Variants in ATP11A observed in about 807,000 individuals in gnomAD.
ATP11A encodes the protein phospholipid-transporting ATPase IH.
A neutral mutation model predicts 154.4 loss-of-function variants in ATP11A; 81 were observed. The ratio of observed to expected loss-of-function variants is 0.52; its 90% CI spans 0.44 to 0.63. ATP11A has a LOEUF of 0.63. Ranked by LOEUF, ATP11A falls within the 30% of genes least tolerant of loss-of-function variation. The pLI is 0.00. For synonymous variants in ATP11A, 623 were observed against 585.9 expected, an observed-to-expected ratio of 1.06 and a Z score of -0.91; for missense variants, 1,316 against 1,474.3, an observed-to-expected ratio of 0.89 and a Z score of 1.76.
intron 1 of ATP11A, among the ~76,000 whole-genome samples, chr13:112,756,792 C>T (rs1479833539): frequency 7.8e-6 from 1 of 127,986 alleles, no homozygotes; most frequent in Non-Finnish European, 1.7e-5. Flanking sequence ...CAGCTTGTGG[C>T]AGCCGGGGCC....
At chr13:112,809,580 AG>A (rs547110523) in intron 4 of ATP11A, among the ~76,000 whole-genome samples, 69 of 152,222 alleles carry the variant, frequency 4.5e-4, no homozygotes, top group African/African-American at 1.6e-3. Context: ...CCCGTGGCAC[AG>A]GCTTCCTGCT....
At chr13:112,835,130 C>G (rs775708771) in intron 15 of ATP11A, among the ~76,000 whole-genome samples, 54 of 151,904 alleles carry the variant, frequency 3.6e-4, no homozygotes, top group Non-Finnish European at 6.5e-4. Context: ...TTACGCTTTT[C>G]AGTCACCAGT....
At chr13:112,870,686 A>C (rs1172130723) in intron 25 of ATP11A, among the ~76,000 whole-genome samples, 1 of 152,134 alleles carries the variant, frequency 6.6e-6, no homozygotes, top group African/African-American at 2.4e-5. Flanking sequence ...CCGCTTTTTA[A>C]TTCTTTATAA....
chr13:112,796,966 C>T (rs1373934373), intron 2 of ATP11A, among the ~76,000 whole-genome samples: 1 of 152,016 alleles, frequency 6.6e-6, no homozygotes, highest in Non-Finnish European at 1.5e-5. Context: ...TGGACAACTA[C>T]AATAGGTGAA....
rs559016622 is a variant in ATP11A at position 112,770,624 on chromosome 13, C to T, written c.40-14511C>T. ...GAGAGAACCGTGCATCTCAGCACGG[C>T]GGTGGAAACGTGGTCCACCTGCGGA... On this transcript the variant is annotated intron_variant, in intron 1 of 29. Coordinates refer to ENST00000375645, the MANE Select transcript of ATP11A (RefSeq NM_015205.3). 2.6e-4 allele frequency among the ~76,000 whole-genome samples: 40 copies of T among 152,260 alleles called. 1 individual carries two copies. Among genetic ancestry groups the T allele is most frequent in the African/African-American group, 9.4e-4 (39 of 41,556 alleles).
chr13:112,856,142 C>T, intron 20 of ATP11A, 57 bp downstream of exon 20: 2 of 1,539,222 alleles, frequency 1.3e-6, no homozygotes, highest in Non-Finnish European at 1.8e-6. Flanking sequence ...CACTGAAAAC[C>T]TTCCGTTAGG....
chr13:112,824,346 G>T lies in ATP11A; in HGVS notation c.793G>T (p.Val265Leu). Residue 265 changes from valine to leucine, a missense_variant and splice_region_variant, in exon 10 of 30, where the codon GTG (valine) becomes TTG (leucine). Physicochemically the swap from Val to Leu is conservative, Grantham distance 32. Coordinates refer to ENST00000375645, the MANE Select transcript of ATP11A (RefSeq NM_015205.3). ...ACCCTTGCTCTTCCTCTCTGTAGGT[G>T]TGGCTATTTACACGGGAATGGAAAC... The part of the protein sequence containing the change: ...TLKNTEKIFG[V>L]AIYTGMETKM... 1 of 1,613,492 alleles carries T rather than the reference G, an allele frequency of 6.2e-7. No homozygotes were observed. Among genetic ancestry groups the T allele is most frequent in the Non-Finnish European group, 8.5e-7 (1 of 1,179,420 alleles).
chr13:112,798,005 G>T (rs1172242509), intron 2 of ATP11A, among the ~76,000 whole-genome samples: 2 of 152,218 alleles, frequency 1.3e-5, no homozygotes, highest in African/African-American at 4.8e-5. Flanking sequence ...CTGCTTCCAA[G>T]ATGGCTCCTT....
chr13:112,789,547 G>A lies in ATP11A; in HGVS notation c.162+4290G>A, dbSNP rs542945739. ...TAATTCACACCGGGTGTCCTGATGCGTAGACTCCTGTGGATACCTACTTAA... is the reference window on the plus strand; with the variant it reads ...TAATTCACACCGGGTGTCCTGATGCATAGACTCCTGTGGATACCTACTTAA... On this transcript the variant is annotated intron_variant, in intron 2 of 29. Transcript: ENST00000375645. 2.5e-3 allele frequency among the ~76,000 whole-genome samples: 365 copies of A among 148,050 alleles called. 4 individuals are homozygous for A. The highest frequency in any genetic ancestry group is 8.8e-3 in the African/African-American group (351 of 39,868).
intron 1 of ATP11A, among the ~76,000 whole-genome samples, chr13:112,752,572 C>A (rs1056737411): frequency 2.6e-5 from 4 of 152,194 alleles, no homozygotes; most frequent in Non-Finnish European, 5.9e-5. Flanking sequence ...ACTGAATACG[C>A]GTCCGTCTGA....
Position 112,807,107 on chromosome 13 carries a change from A to C in ATP11A, c.333+814A>C, listed in dbSNP as rs533680100. ...ATGCTGCTGAGAACATTTGTGTTTC[A>C]CACCCACCAGATTGGCTTTCAGATG... On this transcript the variant is annotated intron_variant, in intron 4 of 29. Transcript: ENST00000375645. The surrounding 1 kb of genome is among the most constrained non-coding windows in gnomAD (Gnocchi z 4.5). Among the ~76,000 whole-genome samples, 6 of 152,304 alleles carry C rather than the reference A, an allele frequency of 3.9e-5. No individual in the cohort carries two copies. In the South Asian group the frequency reaches 1.2e-3, roughly 32 times the overall value.
intron 1 of ATP11A, among the ~76,000 whole-genome samples, chr13:112,763,052 C>T (rs577492360): frequency 6.6e-6 from 1 of 152,228 alleles, no homozygotes; most frequent in Admixed American, 6.5e-5. Context: ...CTGAGCAGCC[C>T]TGCGCGGTGG....
At chr13:112,806,362 C>T (rs556986738) in intron 4 of ATP11A, 69 bp downstream of exon 4, 5 of 1,261,820 alleles carry the variant, frequency 4.0e-6, no homozygotes, top group East Asian at 2.3e-5. Context: ...TCATTCAAAG[C>T]GAGGTGATTG....
chr13:112,816,067 C>G lies in ATP11A; in HGVS notation c.442-16C>G, dbSNP rs2078638067. On this transcript the variant is annotated splice_polypyrimidine_tract_variant and intron_variant, in intron 5 of 29. Coordinates refer to ENST00000375645, the MANE Select transcript of ATP11A (RefSeq NM_015205.3). Reference sequence around the variant, plus strand: ...AGGGGCTTTCCATTGACCATCCTTTCTGCTTTGTCCTGTAGGTTGGGGACA... The same window carrying G: ...AGGGGCTTTCCATTGACCATCCTTTGTGCTTTGTCCTGTAGGTTGGGGACA... 6.2e-7 allele frequency: 1 copy of G among 1,613,818 alleles called. No homozygotes were observed. Among genetic ancestry groups the G allele is most frequent in the African/African-American group, 1.3e-5 (1 of 74,914 alleles).
intron 1 of ATP11A, among the ~76,000 whole-genome samples, chr13:112,761,552 G>T (rs9603941): frequency 1.4e-5 from 2 of 147,194 alleles, no homozygotes; most frequent in Admixed American, 6.7e-5. Flanking sequence ...TTTCAGGAAT[G>T]CCCTGGGGTC....
chr13:112,860,174 A>C, intron 23 of ATP11A, 113 bp from the exon 24 acceptor site: 6 of 1,223,924 alleles, frequency 4.9e-6, no homozygotes, highest in Non-Finnish European at 6.9e-6. Flanking sequence ...TAAGCTTTGA[A>C]AAGCGCTCTG....
chr13:112,836,669 A>G (rs2079243409), intron 16 of ATP11A, among the ~76,000 whole-genome samples: 1 of 152,262 alleles, frequency 6.6e-6, no homozygotes, highest in Non-Finnish European at 1.5e-5. Flanking sequence ...ATGTATCTAT[A>G]ATAATGTTCA....
At chr13:112,821,898 T>C (rs576520777) in intron 8 of ATP11A, among the ~76,000 whole-genome samples, 49 of 152,338 alleles carry the variant, frequency 3.2e-4, no homozygotes, top group African/African-American at 1.2e-3. Flanking sequence ...ACAGTCCTTA[T>C]AACACAGCCA....
intron 1 of ATP11A, among the ~76,000 whole-genome samples, chr13:112,692,495 T>G (rs1278742039): frequency 6.6e-6 from 1 of 152,190 alleles, no homozygotes; most frequent in African/African-American, 2.4e-5. Flanking sequence ...GTTATATAGA[T>G]CTATATAAGT....
Sources: allele counts gnomAD v4.1 joint callset (sites outside exome capture counted in the v4.1 genomes callset), GRCh38; gene constraint gnomAD v4.1.1; non-coding constraint Gnocchi (gnomAD v3.1); transcripts MANE v1.5; gene names NCBI Gene and HGNC (gene_info 2026-07-23, HGNC 2026-07-21).